Variants in SGCZ observed in about 807,000 individuals in gnomAD.
SGCZ encodes the protein zeta-sarcoglycan.
In SGCZ, 40 loss-of-function variants were observed where a neutral mutation model predicts 41.3. The observed-to-expected ratio is 0.97, with a 90% CI of 0.75 to 1.26. The LOEUF is 1.26. Ranked by LOEUF, SGCZ falls within the 50% of genes most tolerant of loss-of-function variation. The probability of loss-of-function intolerance (pLI) is 0.00; values close to 1 mark genes in which losing one functional copy is unlikely to be tolerated. For synonymous variants in SGCZ, 206 were observed against 137.5 expected (o/e 1.50, Z -3.49); for missense variants, 552 against 369.8 (o/e 1.49, Z -4.04).
chr8:14,134,040 C>A (rs187279598), intron 5 of SGCZ, among the ~76,000 whole-genome samples: 53 of 152,208 alleles, frequency 3.5e-4, no homozygotes, highest in Non-Finnish European at 1.5e-5. Flanking sequence ...TGATAGAATC[C>A]AATACATTAT....
intron 4 of SGCZ, among the ~76,000 whole-genome samples, chr8:14,189,176 G>T (rs1563175358): frequency 6.6e-6 from 1 of 151,920 alleles, no homozygotes; most frequent in Non-Finnish European, 1.5e-5. Context: ...TGTCTTCTTT[G>T]TCAAAACCAC....
intron 1 of SGCZ, among the ~76,000 whole-genome samples, chr8:15,194,943 C>T (rs1800673383): frequency 1.3e-5 from 2 of 152,166 alleles, no homozygotes; most frequent in African/African-American, 4.8e-5. Context: ...AAAGTATCTA[C>T]AACTTGCGAC....
chr8:14,743,950 C>T (rs1207618770), intron 1 of SGCZ, among the ~76,000 whole-genome samples: 1 of 152,056 alleles, frequency 6.6e-6, no homozygotes, highest in Non-Finnish European at 1.5e-5. Context: ...TTTTCTTTGC[C>T]TGTTGTTTCA....
In SGCZ at chr8:14,426,704, G is replaced by C. The variant is rs534085319; in HGVS notation, c.235-102500C>G. 3.3e-5 allele frequency among the ~76,000 whole-genome samples: 5 copies of C among 152,098 alleles called. No individual in the cohort carries two copies. In the South Asian group the frequency reaches 8.3e-4, roughly 25 times the overall value. On this transcript the variant is annotated intron_variant, in intron 2 of 7. Transcript: ENST00000382080. ...ACTCTGGATGAAATGTGAGAAGAAA[G>C]GATAAAGAGCCTGAAACTCTCACAG...
Position 14,381,092 on chromosome 8 carries a change from T to TAA in SGCZ, c.235-56890_235-56889dup, listed in dbSNP as rs71541665. Among the ~76,000 whole-genome samples, 1,132 of 149,636 alleles carry TAA rather than the reference T, an allele frequency of 7.6e-3. 13 individuals carry two copies. Among genetic ancestry groups the TAA allele is most frequent in the African/African-American group, 0.025 (1,012 of 40,882 alleles). ...ACTTGATCATAATTAGCAAAAGTAG[T>TAA]AAAAAAAAAATACCTTTGTAAAATT... On this transcript the variant is annotated intron_variant, in intron 2 of 7. Transcript: ENST00000382080.
At chr8:14,124,758 C>A (rs1440484540) in intron 5 of SGCZ, among the ~76,000 whole-genome samples, 2 of 152,062 alleles carry the variant, frequency 1.3e-5, no homozygotes, top group Non-Finnish European at 2.9e-5. Flanking sequence ...CTTTTTCCAG[C>A]ACACTAAATA....
chr8:14,087,727 A>T lies in SGCZ; in HGVS notation c.*2716T>A, dbSNP rs915972137. 6.7e-6 allele frequency among the ~76,000 whole-genome samples: 1 copy of T among 149,762 alleles called. No individual in the cohort carries two copies. ...CCACTATATTTTTAAAAAAAAAAAA[A>T]TGCTTTTTTGTGTTTGAATGTGGAA... On this transcript the variant is annotated 3_prime_UTR_variant, in exon 8 of 8. Transcript: ENST00000382080.
rs1330880010 is a variant in SGCZ at position 14,087,435 on chromosome 8, T to C, written c.*3008A>G. Reference sequence around the variant, plus strand: ...TCTCGGTTTATCCATTCCTGGCAAATAACTTAAATGCTAGCAAAACTACCA... The same window carrying C: ...TCTCGGTTTATCCATTCCTGGCAAACAACTTAAATGCTAGCAAAACTACCA... On this transcript the variant is annotated 3_prime_UTR_variant, in exon 8 of 8. Transcript: ENST00000382080. 6.6e-6 allele frequency among the ~76,000 whole-genome samples: 1 copy of C among 151,642 alleles called. No individual in the cohort carries two copies. The highest frequency in any genetic ancestry group is 1.5e-5 in the Non-Finnish European group (1 of 67,720).
intron 1 of SGCZ, among the ~76,000 whole-genome samples, chr8:14,914,630 T>C (rs1799373945): frequency 1.3e-5 from 2 of 152,194 alleles, no homozygotes; most frequent in Admixed American, 1.3e-4. Context: ...ATTCAAGATC[T>C]AAATGGAGAA....
intron 1 of SGCZ, among the ~76,000 whole-genome samples, chr8:14,968,037 AT>A (rs1224203794): frequency 6.6e-6 from 1 of 152,156 alleles, no homozygotes; most frequent in Non-Finnish European, 1.5e-5. Flanking sequence ...TCCAACTAGA[AT>A]TTATTGAGCC....
At chr8:14,680,811 T>G (rs1808418225) in intron 1 of SGCZ, among the ~76,000 whole-genome samples, 1 of 151,528 alleles carries the variant, frequency 6.6e-6, no homozygotes, top group African/African-American at 2.4e-5. Flanking sequence ...AAGACACAAA[T>G]TAAACTCCCA....
At chr8:14,641,734 G>A (rs1244675833) in intron 1 of SGCZ, among the ~76,000 whole-genome samples, 3 of 151,616 alleles carry the variant, frequency 2.0e-5, no homozygotes, top group African/African-American at 4.8e-5. Flanking sequence ...ATGAGATTCA[G>A]ATGACATAAA....
intron 1 of SGCZ, among the ~76,000 whole-genome samples, chr8:14,618,658 A>G (rs1806185264): frequency 6.6e-6 from 1 of 152,208 alleles, no homozygotes; most frequent in African/African-American, 2.4e-5. Flanking sequence ...AGAGCGGGAT[A>G]ACTCTTTATG....
rs1442916177 is a variant in SGCZ, at chr8:15,172,196, C to T, written c.39+65389G>A. Reference sequence around the variant, plus strand: ...TTTTTTTTTGAGACGGAGTTTCGCTCTGTCGCCCAGGCTGGAGCGCAGTGG... The same window carrying T: ...TTTTTTTTTGAGACGGAGTTTCGCTTTGTCGCCCAGGCTGGAGCGCAGTGG... On this transcript the variant is annotated intron_variant, in intron 1 of 7. Coordinates refer to ENST00000382080, the MANE Select transcript of SGCZ (RefSeq NM_139167.4). Among the ~76,000 whole-genome samples the T allele has an allele frequency of 2.8e-5, 3 of 105,682 alleles. No individual in the cohort carries two copies. In the East Asian group the frequency reaches 9.4e-4, roughly 33 times the overall value. The allele number at this position is 105,682 out of a possible 152,430, so 69.3% of individuals were successfully genotyped here. A position where few individuals can be genotyped will look rare whatever the true frequency, so the allele number is the denominator to read the frequency against.
rs574457966 is a variant in SGCZ at position 14,716,715 on chromosome 8, T to C, written c.40-161789A>G. The stretch of plus-strand genomic sequence containing the variant: ...CGTACAGATAACACAAGTTTCTAAA[T>C]GCATAGTTCATTGAAAATAACAAAG... On this transcript the variant is annotated intron_variant, in intron 1 of 7. Coordinates refer to ENST00000382080, the MANE Select transcript of SGCZ (RefSeq NM_139167.4). Among the ~76,000 whole-genome samples, 9 of 152,220 alleles carry C rather than the reference T, an allele frequency of 5.9e-5. No individual in the cohort carries two copies. In the East Asian group the frequency reaches 1.4e-3, roughly 23 times the overall value.
At chr8:14,385,596 G>A (rs1035292575) in intron 2 of SGCZ, among the ~76,000 whole-genome samples, 4 of 152,134 alleles carry the variant, frequency 2.6e-5, no homozygotes, top group African/African-American at 9.7e-5. Flanking sequence ...AAGTCATTCT[G>A]ACTTTGAGTG....
At chr8:14,418,356 A>T (rs1447123055) in intron 2 of SGCZ, among the ~76,000 whole-genome samples, 1 of 151,948 alleles carries the variant, frequency 6.6e-6, no homozygotes, top group Non-Finnish European at 1.5e-5. Flanking sequence ...ATTAGTTTTA[A>T]GAATTCACTT....
chr8:14,952,034 T>A (rs1001807301), intron 1 of SGCZ, among the ~76,000 whole-genome samples: 2 of 152,126 alleles, frequency 1.3e-5, no homozygotes, highest in African/African-American at 4.8e-5. Context: ...CACCTGGTGT[T>A]CACTCTGCAT....
chr8:14,348,152 C>T (rs1226231320), intron 2 of SGCZ, among the ~76,000 whole-genome samples: 3 of 152,046 alleles, frequency 2.0e-5, no homozygotes, highest in Admixed American at 1.3e-4. Context: ...GGTATCAATT[C>T]ACACCCCAGA....
Sources: allele counts gnomAD v4.1 joint callset (sites outside exome capture counted in the v4.1 genomes callset), GRCh38; gene constraint gnomAD v4.1.1; transcripts MANE v1.5; gene names NCBI Gene and HGNC (gene_info 2026-07-23, HGNC 2026-07-21).